Variants in TMCO5A observed in about 807,000 individuals in gnomAD.
TMCO5A encodes the protein transmembrane and coiled-coil domain-containing protein 5A.
Under a neutral mutation model 42.3 loss-of-function variants are expected in TMCO5A, and 34 were observed. That is an observed-to-expected ratio of 0.80 (90% CI 0.61 to 1.07). The LOEUF is 1.07. Ranked by LOEUF, TMCO5A falls within the 50% of genes least tolerant of loss-of-function variation. The pLI, the probability that TMCO5A is intolerant of heterozygous loss-of-function variation, is 0.00. For synonymous variants in TMCO5A, 131 were observed against 115.6 expected (o/e 1.13, Z -0.86); for missense variants, 357 against 327.9 (o/e 1.09, Z -0.69).
the TMCO5A span, among the ~76,000 whole-genome samples, chr15:37,975,182 G>A: frequency 1.3e-5 from 2 of 152,090 alleles, no homozygotes; most frequent in South Asian, 2.1e-4. Context: ...TTTGGTGTAT[G>A]TGCCCATGCA....
At chr15:38,026,096 G>A in the TMCO5A span, among the ~76,000 whole-genome samples, 10 of 152,158 alleles carry the variant, frequency 6.6e-5, no homozygotes, top group Non-Finnish European at 1.3e-4. Context: ...CAGTGGAGTG[G>A]GGTATTGCTG....
intron 11 of TMCO5A, among the ~76,000 whole-genome samples, chr15:37,958,426 G>A (rs1890344633): frequency 6.6e-6 from 1 of 152,038 alleles, no homozygotes; most frequent in Admixed American, 6.6e-5. Context: ...CAAATAGTGG[G>A]CAAAGGATAT....
the TMCO5A span, among the ~76,000 whole-genome samples, chr15:37,978,585 A>T: frequency 6.6e-6 from 1 of 152,112 alleles, no homozygotes; most frequent in Non-Finnish European, 1.5e-5. Context: ...GCCCAAGGGT[A>T]GTAAGGGTGG....
intron 10 of TMCO5A, among the ~76,000 whole-genome samples, chr15:37,944,992 T>A (rs1370011257): frequency 6.6e-6 from 1 of 151,986 alleles, no homozygotes; most frequent in Non-Finnish European, 1.5e-5. Flanking sequence ...GCCCAGCATC[T>A]ACTAGCTATT....
intron 9 of TMCO5A, 39 bp from the exon 10 acceptor site, chr15:37,943,302 C>T: frequency 6.3e-7 from 1 of 1,596,900 alleles, no homozygotes; most frequent in Non-Finnish European, 8.6e-7. Context: ...TATTTCAGTG[C>T]ACTTTGTTCA....
chr15:38,008,956 A>C, the TMCO5A span, among the ~76,000 whole-genome samples: 1 of 152,184 alleles, frequency 6.6e-6, no homozygotes, highest in African/African-American at 2.4e-5. Context: ...TGATACCATT[A>C]CTTTCCTAAA....
At chr15:37,998,633 G>A in the TMCO5A span, among the ~76,000 whole-genome samples, 2,304 of 152,184 alleles carry the variant, frequency 0.015, 63 homozygotes, top group African/African-American at 0.053. Flanking sequence ...AAGCAATGAA[G>A]TTCCTCCAGT....
At chr15:38,012,906 A>T in the TMCO5A span, among the ~76,000 whole-genome samples, 1 of 152,190 alleles carries the variant, frequency 6.6e-6, no homozygotes, top group Non-Finnish European at 1.5e-5. Context: ...AAATCTAAAG[A>T]TTACCTGAGG....
the TMCO5A span, among the ~76,000 whole-genome samples, chr15:37,976,787 T>C: frequency 2.1e-5 from 3 of 141,240 alleles, no homozygotes; most frequent in Non-Finnish European, 3.0e-5. Flanking sequence ...TTTCTTTTTC[T>C]TCTTTCTTTT....
rs1441381769 is a variant in TMCO5A at position 37,937,390 on chromosome 15, A to G, written c.309A>G (p.Gln103=). The change falls in exon 5 of 12, where the codon CAA becomes CAG. Residue 103 remains glutamine (Q), a synonymous_variant. Transcript: ENST00000319669. ...KTLVHSITEL[Q]QKLTRKSQKI... ...TGGTCCACAGTATAACAGAACTTCAACAAAAGGTGAGGTAGGGTACTTGTG... is the reference window on the plus strand; with the variant it reads ...TGGTCCACAGTATAACAGAACTTCAGCAAAAGGTGAGGTAGGGTACTTGTG... 1 of 1,613,074 alleles carries G rather than the reference A, an allele frequency of 6.2e-7. No homozygotes were observed. Among genetic ancestry groups the G allele is most frequent in the Non-Finnish European group, 8.5e-7 (1 of 1,179,332 alleles).
intron 11 of TMCO5A, among the ~76,000 whole-genome samples, chr15:37,964,697 A>T (rs923797495): frequency 1.3e-5 from 2 of 152,160 alleles, no homozygotes; most frequent in African/African-American, 4.8e-5. Context: ...ATATCTAGGA[A>T]TTAACCAAAG....
chr15:38,031,287 C>G, the TMCO5A span, among the ~76,000 whole-genome samples: 1 of 152,102 alleles, frequency 6.6e-6, no homozygotes, highest in Admixed American at 6.6e-5. Flanking sequence ...CCGCTGGGTC[C>G]CTGTTCCATT....
the TMCO5A span, among the ~76,000 whole-genome samples, chr15:37,972,780 A>G: frequency 6.6e-6 from 1 of 152,188 alleles, no homozygotes; most frequent in Non-Finnish European, 1.5e-5. Context: ...TCTTCAGTTT[A>G]ATCAGATTCC....
chr15:38,026,683 T>G, the TMCO5A span, among the ~76,000 whole-genome samples: 1 of 152,324 alleles, frequency 6.6e-6, no homozygotes, highest in African/African-American at 2.4e-5. Context: ...TCAGAGGTCT[T>G]CATAACAGCC....
At chr15:37,962,428 G>C (rs1776735176) in intron 11 of TMCO5A, among the ~76,000 whole-genome samples, 1 of 152,070 alleles carries the variant, frequency 6.6e-6, no homozygotes, top group Non-Finnish European at 1.5e-5. Flanking sequence ...TATGTTGTTG[G>C]ATTCAGTTAG....
At chr15:38,037,559 C>T in the TMCO5A span, among the ~76,000 whole-genome samples, 8 of 152,146 alleles carry the variant, frequency 5.3e-5, no homozygotes, top group Non-Finnish European at 1.2e-4. Flanking sequence ...AAAATTCCTA[C>T]TAATAGCCAA....
At chr15:38,033,597 GGTTT>G in the TMCO5A span, among the ~76,000 whole-genome samples, 1 of 150,938 alleles carries the variant, frequency 6.6e-6, no homozygotes. Flanking sequence ...GGTTTGGTTT[GGTTT>G]GTTTGGGTTT....
chr15:37,977,844 C>A, the TMCO5A span, among the ~76,000 whole-genome samples: 2 of 152,222 alleles, frequency 1.3e-5, no homozygotes, highest in South Asian at 2.1e-4. Context: ...ATCTGGGAGA[C>A]TGGCCTGGAG....
chr15:38,015,243 A>T, the TMCO5A span, among the ~76,000 whole-genome samples: 1 of 152,108 alleles, frequency 6.6e-6, no homozygotes, highest in African/African-American at 2.4e-5. Context: ...CCTTCAATCC[A>T]ATCAAGTTGA....
Sources: allele counts gnomAD v4.1 joint callset (sites outside exome capture counted in the v4.1 genomes callset), GRCh38; gene constraint gnomAD v4.1.1; transcripts MANE v1.5; gene names NCBI Gene and HGNC (gene_info 2026-07-23, HGNC 2026-07-21).